Variants in RAPGEF2 observed in about 807,000 individuals in gnomAD.
RAPGEF2 encodes Rap guanine nucleotide exchange factor 2, also known as PDZ domain containing guanine nucleotide exchange factor (GEF) 1.
A neutral mutation model predicts 186.7 loss-of-function variants in RAPGEF2; 54 were observed. The observed-to-expected ratio is 0.29, with a 90% CI of 0.23 to 0.36. The LOEUF (loss-of-function observed/expected upper bound fraction) is 0.36. Among genes scored for constraint, RAPGEF2 ranks in the 10% least tolerant of loss-of-function variants. The probability of loss-of-function intolerance (pLI) is 1.00; values close to 1 mark genes in which losing one functional copy is unlikely to be tolerated. For synonymous variants in RAPGEF2, 712 were observed against 705.9 expected, an observed-to-expected ratio of 1.01 and a Z score of -0.14; for missense variants, 1,532 against 2,045.0, an observed-to-expected ratio of 0.75 and a Z score of 4.84.
At chr4:159,335,864 G>C (rs1224634643) in intron 17 of RAPGEF2, among the ~76,000 whole-genome samples, 1 of 147,362 alleles carries the variant, frequency 6.8e-6, no homozygotes, top group Non-Finnish European at 1.5e-5. Context: ...AAAAAAGGTT[G>C]AGTGTGCCTG....
At chr4:159,283,523 A>T (rs1175354922) in intron 7 of RAPGEF2, among the ~76,000 whole-genome samples, 1 of 152,144 alleles carries the variant, frequency 6.6e-6, no homozygotes, top group African/African-American at 2.4e-5. Context: ...TTACAATGGA[A>T]TTTCTCATAT....
chr4:159,238,211 C>G (rs2111464037), intron 4 of RAPGEF2, among the ~76,000 whole-genome samples: 1 of 152,300 alleles, frequency 6.6e-6, no homozygotes, highest in Non-Finnish European at 1.5e-5. Flanking sequence ...TGTCTGTGTT[C>G]ACTCGTGCAG....
chr4:159,197,170 A>C (rs543961474), intron 3 of RAPGEF2, among the ~76,000 whole-genome samples: 2 of 152,336 alleles, frequency 1.3e-5, no homozygotes, highest in South Asian at 4.1e-4. Flanking sequence ...ATATGTAAAA[A>C]CACTGGATAA....
chr4:159,148,067 G>T (rs1743132884), intron 1 of RAPGEF2, among the ~76,000 whole-genome samples: 1 of 151,972 alleles, frequency 6.6e-6, no homozygotes, highest in African/African-American at 2.4e-5. Context: ...TTAAAGCTAA[G>T]AACTGTTTTG....
chr4:159,131,901 C>A (rs1741155710), intron 1 of RAPGEF2, among the ~76,000 whole-genome samples: 1 of 151,972 alleles, frequency 6.6e-6, no homozygotes, highest in African/African-American at 2.4e-5. Flanking sequence ...ACTGAAAAAG[C>A]CAGAGGAAAT....
intron 1 of RAPGEF2, among the ~76,000 whole-genome samples, chr4:159,104,553 A>AGAGGGAGAGAGTGTGT (rs1553991869): frequency 7.4e-6 from 1 of 136,028 alleles, no homozygotes; most frequent in African/African-American, 2.9e-5. Context: ...AGAGAGAGAG[A>AGAGGGAGAGAGTGTGT]GTGTGTGTGT....
chr4:159,345,405 G>A (rs1164089783), intron 24 of RAPGEF2, 76 bp downstream of exon 24: 5 of 1,355,068 alleles, frequency 3.7e-6, no homozygotes, highest in Non-Finnish European at 5.2e-6. Context: ...TATGGGCAGT[G>A]ACAAAATAAG....
At chr4:159,201,347 T>C (rs1472430614) in intron 3 of RAPGEF2, among the ~76,000 whole-genome samples, 1 of 152,208 alleles carries the variant, frequency 6.6e-6, no homozygotes, top group East Asian at 1.9e-4. Context: ...AGAACTTATT[T>C]TTTTGAAGCC....
intron 1 of RAPGEF2, among the ~76,000 whole-genome samples, chr4:159,128,432 G>A (rs1054898455): frequency 6.6e-6 from 1 of 152,088 alleles, no homozygotes; most frequent in African/African-American, 2.4e-5. Context: ...AAGTCTACAT[G>A]AATGTAAAGT....
At chr4:159,181,575 CTTTTTTTTTTT>C (rs531646826) in intron 1 of RAPGEF2, among the ~76,000 whole-genome samples, 2 of 121,386 alleles carry the variant, frequency 1.6e-5, no homozygotes, top group Non-Finnish European at 3.4e-5. Flanking sequence ...GGAAGACAGT[CTTTTTTTTTTT>C]TTTTTTTTTT....
intron 4 of RAPGEF2, among the ~76,000 whole-genome samples, chr4:159,234,549 ATTTTTTTTT>A (rs10588096): frequency 9.2e-6 from 1 of 108,176 alleles, no homozygotes; most frequent in African/African-American, 4.0e-5. Context: ...TGCCCGGCTA[ATTTTTTTTT>A]TTTTTTTTTT....
intron 7 of RAPGEF2, among the ~76,000 whole-genome samples, chr4:159,284,415 G>T (rs1023804632): frequency 1.3e-5 from 2 of 151,614 alleles, no homozygotes; most frequent in African/African-American, 4.9e-5. Flanking sequence ...TTTCCTAAGG[G>T]ATCATGGAGA....
chr4:159,184,543 T>C (rs1389904782), intron 1 of RAPGEF2, among the ~76,000 whole-genome samples: 1 of 152,274 alleles, frequency 6.6e-6, no homozygotes, highest in Non-Finnish European at 1.5e-5. Context: ...ATGTCTTCTT[T>C]TGAGAAGTGT....
intron 7 of RAPGEF2, among the ~76,000 whole-genome samples, chr4:159,288,303 G>A (rs1170920856): frequency 1.3e-5 from 2 of 152,172 alleles, no homozygotes; most frequent in Non-Finnish European, 2.9e-5. Flanking sequence ...TAGGAAGCCA[G>A]TACTAAAGTA....
At chr4:159,146,087 ATTCC>A (rs1742934936) in intron 1 of RAPGEF2, among the ~76,000 whole-genome samples, 1 of 152,092 alleles carries the variant, frequency 6.6e-6, no homozygotes, top group Non-Finnish European at 1.5e-5. Flanking sequence ...TTATGAAACT[ATTCC>A]TTCCATATTT....
At chr4:159,152,411 G>A (rs1286608144) in intron 1 of RAPGEF2, among the ~76,000 whole-genome samples, 3 of 152,170 alleles carry the variant, frequency 2.0e-5, no homozygotes, top group Admixed American at 6.5e-5. Context: ...GAGGCAGAAT[G>A]CCCATTCCTG....
chr4:159,348,909 C>G (rs1271414833), intron 25 of RAPGEF2, among the ~76,000 whole-genome samples: 1 of 152,180 alleles, frequency 6.6e-6, no homozygotes, highest in African/African-American at 2.4e-5. Flanking sequence ...GGTGTTCCCC[C>G]CACTCCAGTC....
intron 7 of RAPGEF2, among the ~76,000 whole-genome samples, chr4:159,262,575 G>A (rs1269166202): frequency 6.6e-6 from 1 of 152,164 alleles, no homozygotes; most frequent in East Asian, 1.9e-4. Context: ...TGCTGCTAAA[G>A]TCTGCCCGTT....
At chr4:159,333,154 A>G (rs1456115750) in intron 17 of RAPGEF2, among the ~76,000 whole-genome samples, 1 of 151,488 alleles carries the variant, frequency 6.6e-6, no homozygotes, top group African/African-American at 2.4e-5. Context: ...TAATTTTTGT[A>G]TTTTTAGTAG....
Sources: allele counts gnomAD v4.1 joint callset (sites outside exome capture counted in the v4.1 genomes callset), GRCh38; gene constraint gnomAD v4.1.1; transcripts MANE v1.5; gene names NCBI Gene and HGNC (gene_info 2026-07-23, HGNC 2026-07-21).